Variants in LRRC8C observed in about 807,000 individuals in gnomAD.
The protein encoded by LRRC8C is volume-regulated anion channel subunit LRRC8C.
LRRC8C carries 20 observed loss-of-function variants against 55.3 expected under a neutral mutation model. The ratio of observed to expected loss-of-function variants is 0.36; its 90% CI spans 0.25 to 0.53. The LOEUF (loss-of-function observed/expected upper bound fraction) is 0.53. Ranked by LOEUF, LRRC8C falls within the 20% of genes least tolerant of loss-of-function variation. LRRC8C has a pLI of 0.92. For synonymous variants in LRRC8C, 376 were observed against 360.7 expected, an observed-to-expected ratio of 1.04 and a Z score of -0.48; for missense variants, 659 against 951.4, an observed-to-expected ratio of 0.69 and a Z score of 4.04.
At chr1:89,674,309 T>G (rs1187808278) in intron 1 of LRRC8C, among the ~76,000 whole-genome samples, 1 of 152,194 alleles carries the variant, frequency 6.6e-6, no homozygotes, top group African/African-American at 2.4e-5. Context: ...AAAGAAACTT[T>G]TCATGCCCTT....
At chr1:89,650,721 A>G (rs1656740305) in intron 1 of LRRC8C, among the ~76,000 whole-genome samples, 1 of 152,258 alleles carries the variant, frequency 6.6e-6, no homozygotes. Context: ...GTCAAATACA[A>G]AACACTGGTG....
intron 1 of LRRC8C, among the ~76,000 whole-genome samples, chr1:89,647,655 G>A (rs1212829817): frequency 2.6e-5 from 4 of 151,984 alleles, no homozygotes; most frequent in Non-Finnish European, 4.4e-5. Flanking sequence ...TCTAGAAAAG[G>A]CCATCTCGAA....
At chr1:89,636,334 A>T (rs1474313971) in intron 1 of LRRC8C, among the ~76,000 whole-genome samples, 1 of 152,196 alleles carries the variant, frequency 6.6e-6, no homozygotes, top group Non-Finnish European at 1.5e-5. Flanking sequence ...CATTGCTATC[A>T]GTGATTCACT....
At chr1:89,661,589 T>G (rs1477936667) in intron 1 of LRRC8C, among the ~76,000 whole-genome samples, 1 of 152,172 alleles carries the variant, frequency 6.6e-6, no homozygotes, top group Non-Finnish European at 1.5e-5. Flanking sequence ...TTAACAGATA[T>G]CTGGTGAATG....
At chr1:89,657,234 G>C (rs1327806411) in intron 1 of LRRC8C, among the ~76,000 whole-genome samples, 1 of 152,000 alleles carries the variant, frequency 6.6e-6, no homozygotes, top group Non-Finnish European at 1.5e-5. Context: ...TTTTACTGTT[G>C]ACATATATTG....
chr1:89,698,889 A>T (rs1658241360), intron 2 of LRRC8C, among the ~76,000 whole-genome samples: 1 of 152,124 alleles, frequency 6.6e-6, no homozygotes, highest in South Asian at 2.1e-4. Context: ...TCCTCCCTGT[A>T]CAGTGTGTTA....
intron 1 of LRRC8C, among the ~76,000 whole-genome samples, chr1:89,679,186 C>T (rs967563506): frequency 6.6e-6 from 1 of 152,024 alleles, no homozygotes; most frequent in East Asian, 1.9e-4. Context: ...GAAGGAAAAC[C>T]AAAAGGCTGT....
chr1:89,665,151 A>G (rs1464815137), intron 1 of LRRC8C, among the ~76,000 whole-genome samples: 1 of 152,228 alleles, frequency 6.6e-6, no homozygotes, highest in Non-Finnish European at 1.5e-5. Context: ...CCCTGGCCAG[A>G]ACTTCCGATA....
chr1:89,693,159 G>A (rs1051257524), intron 2 of LRRC8C, among the ~76,000 whole-genome samples: 1 of 152,234 alleles, frequency 6.6e-6, no homozygotes. Flanking sequence ...ATCACTAGGA[G>A]CGAAGTGGCC....
chr1:89,653,120 T>C (rs909325629), intron 1 of LRRC8C, among the ~76,000 whole-genome samples: 1 of 152,204 alleles, frequency 6.6e-6, no homozygotes, highest in Non-Finnish European at 1.5e-5. Flanking sequence ...ACTTGCGTTT[T>C]CAAAGGATCA....
upstream of LRRC8C, among the ~76,000 whole-genome samples, chr1:89,632,435 G>A (rs1056401524): frequency 2.6e-5 from 4 of 152,182 alleles, no homozygotes; most frequent in Non-Finnish European, 5.9e-5. Context: ...CCTGAAAGGA[G>A]ACTTGGTTGT....
intron 1 of LRRC8C, among the ~76,000 whole-genome samples, chr1:89,638,304 A>T (rs1372249841): frequency 2.0e-5 from 3 of 152,210 alleles, no homozygotes; most frequent in Non-Finnish European, 4.4e-5. Context: ...TTCATTTCTC[A>T]ACCTTTTTTT....
At chr1:89,647,420 A>C (rs1656646570) in intron 1 of LRRC8C, among the ~76,000 whole-genome samples, 1 of 152,346 alleles carries the variant, frequency 6.6e-6, no homozygotes, top group South Asian at 2.1e-4. Context: ...TAATAACTGT[A>C]TCAGAAAGTA....
intron 2 of LRRC8C, among the ~76,000 whole-genome samples, chr1:89,708,083 C>T (rs1415470465): frequency 6.6e-6 from 1 of 151,590 alleles, no homozygotes; most frequent in Non-Finnish European, 1.5e-5. Flanking sequence ...TGATTTTTTT[C>T]TTCACTTCTC....
chr1:89,696,704 A>G (rs1278654158), intron 2 of LRRC8C, among the ~76,000 whole-genome samples: 2 of 152,170 alleles, frequency 1.3e-5, no homozygotes, highest in African/African-American at 4.8e-5. Context: ...GAGAGAGTCA[A>G]AACAGACTGG....
intron 2 of LRRC8C, among the ~76,000 whole-genome samples, chr1:89,696,071 A>G (rs1417120480): frequency 6.6e-6 from 1 of 152,234 alleles, no homozygotes; most frequent in East Asian, 1.9e-4. Flanking sequence ...TCATATAGTC[A>G]TAAGTGTGAT....
chr1:89,624,050 C>A, the LRRC8C span, among the ~76,000 whole-genome samples: 2 of 152,196 alleles, frequency 1.3e-5, no homozygotes, highest in Non-Finnish European at 2.9e-5. Context: ...ATATCAGTTC[C>A]TGGAGACCCA....
the LRRC8C span, among the ~76,000 whole-genome samples, chr1:89,617,269 C>T: frequency 6.6e-6 from 1 of 152,182 alleles, no homozygotes; most frequent in South Asian, 2.1e-4. Flanking sequence ...TGATGAAGGA[C>T]ACTCATGTTG....
intron 1 of LRRC8C, among the ~76,000 whole-genome samples, chr1:89,685,576 A>G (rs766817630): frequency 3.9e-5 from 6 of 152,152 alleles, no homozygotes; most frequent in African/African-American, 7.2e-5. Flanking sequence ...TTCTCCTCAC[A>G]GTAGCAGGAT....
Sources: allele counts gnomAD v4.1 joint callset (sites outside exome capture counted in the v4.1 genomes callset), GRCh38; gene constraint gnomAD v4.1.1; transcripts MANE v1.5; gene names NCBI Gene and HGNC (gene_info 2026-07-23, HGNC 2026-07-21).